The following RNF216 variants were observed in gnomAD, a reference collection of about 807,000 sequenced individuals.
The protein encoded by RNF216 is ring finger protein 216.
RNF216 carries 72 observed loss-of-function variants against 110.8 expected under a neutral mutation model. That is an observed-to-expected ratio of 0.65 (90% CI 0.54 to 0.79). The LOEUF (loss-of-function observed/expected upper bound fraction) is 0.79, where lower values mean the gene tolerates loss of function less well. Ranked by LOEUF, RNF216 falls within the 30% of genes least tolerant of loss-of-function variation. RNF216 has a pLI of 0.00. For synonymous variants in RNF216, 495 were observed against 407.5 expected (o/e 1.21, Z -2.59); for missense variants, 1,342 against 1,141.2 (o/e 1.18, Z -2.54).
At chr7:5,715,224 C>T in intron 10 of RNF216, 34 bp from the exon 11 acceptor site, 1 of 1,600,116 alleles carries the variant, frequency 6.2e-7, no homozygotes, top group Non-Finnish European at 8.5e-7. Flanking sequence ...ATGAAATGTC[C>T]TGCACTTAAG....
intron 2 of RNF216, 24 bp from the exon 3 acceptor site, chr7:5,753,003 T>C: frequency 1.3e-6 from 2 of 1,594,962 alleles, no homozygotes; most frequent in East Asian, 2.3e-5. Flanking sequence ...GAGAACACTG[T>C]TACTGGGAGG....
chr7:5,699,926 C>G (rs1035109128), intron 13 of RNF216, among the ~76,000 whole-genome samples: 1 of 152,204 alleles, frequency 6.6e-6, no homozygotes, highest in African/African-American at 2.4e-5. Context: ...AGGCCTTTTA[C>G]GTTCTCAGCT....
chr7:5,684,823 C>T (rs1162599755), intron 13 of RNF216, among the ~76,000 whole-genome samples: 2 of 151,454 alleles, frequency 1.3e-5, no homozygotes, highest in African/African-American at 2.4e-5. Flanking sequence ...AATGACATGC[C>T]TCACATTTTT....
rs377371968 is a variant in RNF216 at position 5,638,962 on chromosome 7, T to A, written c.2382+2192A>T. On this transcript the variant is annotated intron_variant, in intron 15 of 16. Coordinates refer to ENST00000389902, the MANE Select transcript of RNF216 (RefSeq NM_207111.4). ...CTTTTTTCCCTACTTATAATTTTTT[T>A]AAACTTCCTCTGTCCATTTTTGAGT... Among the ~76,000 whole-genome samples the A allele has an allele frequency of 1.3e-3, 199 of 152,290 alleles. 1 individual carries two copies. The highest frequency in any genetic ancestry group is 4.4e-3 in the African/African-American group (184 of 41,558).
At chr7:5,623,488 T>C (rs887498763) in intron 16 of RNF216, among the ~76,000 whole-genome samples, 2 of 151,418 alleles carry the variant, frequency 1.3e-5, no homozygotes, top group South Asian at 2.1e-4. Context: ...TTTTAATAGA[T>C]GGGGTTTTGC....
In RNF216 at chr7:5,741,167, T is replaced by C. The variant is rs778013843; in HGVS notation, c.850A>G (p.Ile284Val). The C allele has an allele frequency of 1.2e-6, 2 of 1,614,080 alleles. No homozygotes were observed. Among genetic ancestry groups the C allele is most frequent in the South Asian group, 2.2e-5 (2 of 91,074 alleles). ...FPRPEPQQGG[I>V]SGPSSPQPAH... Reference sequence around the variant, plus strand: ...GGCTGAGGAGAAGAGGGGCCTGAAATCCCACCTTGCTGGGGTTCCGGCCTT... The same window carrying C: ...GGCTGAGGAGAAGAGGGGCCTGAAACCCCACCTTGCTGGGGTTCCGGCCTT... Residue 284 changes from isoleucine to valine, a missense_variant, in exon 4 of 17, where the codon ATT becomes GTT. By Grantham distance (29) the Ile-to-Val change is conservative. Coordinates refer to ENST00000389902, the MANE Select transcript of RNF216 (RefSeq NM_207111.4).
At chr7:5,781,365 C>T (rs1797080396) in intron 1 of RNF216, among the ~76,000 whole-genome samples, 176 bp downstream of exon 1, 2 of 152,022 alleles carry the variant, frequency 1.3e-5, no homozygotes. Flanking sequence ...GACGCCCAGC[C>T]CAGCCCCTTG....
At chr7:5,755,168 G>T (rs1010214492) in intron 2 of RNF216, among the ~76,000 whole-genome samples, 5 of 147,100 alleles carry the variant, frequency 3.4e-5, no homozygotes, top group Non-Finnish European at 7.5e-5. Flanking sequence ...AGAAAGGAAG[G>T]AAAGAGAGGA....
intron 15 of RNF216, among the ~76,000 whole-genome samples, chr7:5,635,768 G>A (rs914522716): frequency 6.6e-6 from 1 of 152,196 alleles, no homozygotes; most frequent in African/African-American, 2.4e-5. Context: ...ATCTGCCTTC[G>A]AGCACTGCTA....
chr7:5,622,508 C>T lies in RNF216; in HGVS notation c.*352G>A, dbSNP rs1233434005. On this transcript the variant is annotated 3_prime_UTR_variant, in exon 17 of 17. Transcript: ENST00000389902. ...GGAGATGCTCTCGGCTGCCTTGCTA[C>T]CCAGGGGTCGGCTCCGAGGAGAGGC... 9.3e-6 allele frequency: 2 copies of T among 215,406 alleles called. No individual in the cohort carries two copies. The highest frequency in any genetic ancestry group is 1.0e-4 in the East Asian group (1 of 9,924). The allele number at this position is 215,406 out of a possible 1,614,324, so 13.3% of individuals were successfully genotyped here.
intron 13 of RNF216, among the ~76,000 whole-genome samples, chr7:5,698,103 A>G (rs1213098940): frequency 6.6e-6 from 1 of 152,194 alleles, no homozygotes; most frequent in Non-Finnish European, 1.5e-5. Flanking sequence ...TGGGGATTTC[A>G]TCTGAGAAAC....
At position 5,660,699 on chromosome 7, in the gene RNF216, T is replaced by C. The variant is rs139725263; in HGVS notation, c.2062-8189A>G. Among the ~76,000 whole-genome samples the C allele has an allele frequency of 3.7e-3, 559 of 152,126 alleles. 1 individual carries two copies. Among genetic ancestry groups the C allele is most frequent in the African/African-American group, 0.012 (491 of 41,508 alleles). The stretch of plus-strand genomic sequence containing the variant: ...CTCAAGCGATCCTCCCACCTCAGCC[T>C]CCCAAGTAGCTGGGACCACAGGTGT... On this transcript the variant is annotated intron_variant, in intron 13 of 16. Coordinates refer to ENST00000389902, the MANE Select transcript of RNF216 (RefSeq NM_207111.4).
At chr7:5,780,608 G>C (rs1490108357) in intron 1 of RNF216, among the ~76,000 whole-genome samples, 2 of 152,094 alleles carry the variant, frequency 1.3e-5, no homozygotes, top group Non-Finnish European at 2.9e-5. Context: ...GTGAGGCTGA[G>C]GCAGGAAAAT....
intron 13 of RNF216, among the ~76,000 whole-genome samples, chr7:5,657,140 T>C (rs777420192): frequency 2.6e-5 from 4 of 152,276 alleles, no homozygotes; most frequent in Admixed American, 1.3e-4. Context: ...TACTTTTAAA[T>C]GGTTCCTACA....
chr7:5,660,062 C>G (rs1011973805), intron 13 of RNF216, among the ~76,000 whole-genome samples: 1 of 149,178 alleles, frequency 6.7e-6, no homozygotes, highest in African/African-American at 2.5e-5. Context: ...GCAAGCAATT[C>G]TCCCGCCTCT....
chr7:5,652,526 A>G lies in RNF216; in HGVS notation c.2062-16T>C. 6.5e-7 allele frequency: 1 copy of G among 1,547,394 alleles called. No individual in the cohort carries two copies. The highest frequency in any genetic ancestry group is 2.2e-5 in the East Asian group (1 of 44,500). On this transcript the variant is annotated splice_polypyrimidine_tract_variant and intron_variant, in intron 13 of 16. Transcript: ENST00000389902. ...TACAGGTTTCCTGGGGATAAAGGAC[A>G]GACACAAAGACAACTCCTGGTGAGT...
At chr7:5,655,176 G>C (rs1026255657) in intron 13 of RNF216, among the ~76,000 whole-genome samples, 25 of 152,320 alleles carry the variant, frequency 1.6e-4, no homozygotes, top group Non-Finnish European at 1.3e-4. Context: ...GACCTGGCCA[G>C]GCTGGAGCCA....
At chr7:5,702,660 G>A (rs931000371) in intron 13 of RNF216, among the ~76,000 whole-genome samples, 17 of 152,154 alleles carry the variant, frequency 1.1e-4, no homozygotes, top group African/African-American at 3.6e-4. Context: ...ATGTGCTTGC[G>A]TGTGTAATTA....
chr7:5,644,055 TG>T (rs1423918953), intron 14 of RNF216, among the ~76,000 whole-genome samples: 1 of 152,246 alleles, frequency 6.6e-6, no homozygotes, highest in Non-Finnish European at 1.5e-5. Context: ...AATATTCCAT[TG>T]TATGAATATA....
Sources: allele counts gnomAD v4.1 joint callset (sites outside exome capture counted in the v4.1 genomes callset), GRCh38; gene constraint gnomAD v4.1.1; transcripts MANE v1.5; gene names NCBI Gene and HGNC (gene_info 2026-07-23, HGNC 2026-07-21).